Variants in SMTNL1 observed in about 807,000 individuals in gnomAD.
The protein encoded by SMTNL1 is smoothelin-like protein 1.
Under a neutral mutation model 46.6 loss-of-function variants are expected in SMTNL1, and 41 were observed. The ratio of observed to expected loss-of-function variants is 0.88; its 90% CI spans 0.69 to 1.14. SMTNL1 has a LOEUF of 1.14. Ranked by LOEUF, SMTNL1 falls within the 50% of genes most tolerant of loss-of-function variation. The pLI, the probability that SMTNL1 is intolerant of heterozygous loss-of-function variation, is 0.00. For missense variants in SMTNL1, 591 were observed against 626.1 expected (o/e 0.94, Z 0.60); for synonymous variants, 234 against 234.2 (o/e 1.00, Z 0.01).
Position 57,546,618 on chromosome 11 carries a change from C to G in SMTNL1, c.1306C>G (p.Arg436Gly), listed in dbSNP as rs751781075. The G allele has an allele frequency of 1.2e-6, 2 of 1,613,916 alleles. No individual in the cohort carries two copies. The highest frequency in any genetic ancestry group is 8.5e-7 in the Non-Finnish European group (1 of 1,179,850). ...CGCAGAGCTGGATCCCGCAAAGCGC[C>G]GGCACAACTTCACCCTGGCCTTCTC... is the stretch of plus-strand genomic sequence containing the variant. ...DYAELDPAKR[R>G]HNFTLAFSTA... The change falls in exon 7 of 8, where the codon CGG (arginine) becomes GGG (glycine). Residue 436 changes from arginine to glycine, a missense_variant. Coordinates refer to ENST00000527972, the MANE Select transcript of SMTNL1 (RefSeq NM_001105565.3).
At position 57,543,280 on chromosome 11, in the gene SMTNL1, C is replaced by T; in HGVS notation, c.638C>T (p.Ala213Val). 1 of 1,613,892 alleles carries T rather than the reference C, an allele frequency of 6.2e-7. No homozygotes were observed. Among genetic ancestry groups the T allele is most frequent in the Non-Finnish European group, 8.5e-7 (1 of 1,179,864 alleles). ...GCTGTTGTGGAGGATGAGGCTAAGGCTGAACCCAAGGAGCCCGATGGGAAA... is the reference window on the plus strand; with the variant it reads ...GCTGTTGTGGAGGATGAGGCTAAGGTTGAACCCAAGGAGCCCGATGGGAAA... ...QKAVVEDEAK[A>V]EPKEPDGKEE... Residue 213 changes from alanine (A) to valine (V), a missense_variant, in exon 2 of 8, where the codon GCT becomes GTT. Coordinates refer to ENST00000527972, the MANE Select transcript of SMTNL1 (RefSeq NM_001105565.3).
intron 7 of SMTNL1, among the ~76,000 whole-genome samples, chr11:57,549,490 G>A (rs1944943113): frequency 6.6e-6 from 1 of 152,180 alleles, no homozygotes; most frequent in Non-Finnish European, 1.5e-5. Flanking sequence ...CTTGGAATCA[G>A]ACCCAGCTGG....
In SMTNL1 at chr11:57,546,623, C is replaced by T. The variant is rs767379074; in HGVS notation, c.1311C>T (p.His437=). The T allele has an allele frequency of 1.2e-6, 2 of 1,613,814 alleles. No individual in the cohort carries two copies. The highest frequency in any genetic ancestry group is 1.3e-5 in the African/African-American group (1 of 74,934). Residue 437 remains histidine, a synonymous_variant, in exon 7 of 8, where the codon CAC becomes CAT. Coordinates refer to ENST00000527972, the MANE Select transcript of SMTNL1 (RefSeq NM_001105565.3). The stretch of plus-strand genomic sequence containing the variant: ...AGCTGGATCCCGCAAAGCGCCGGCA[C>T]AACTTCACCCTGGCCTTCTCCACAG... The part of the protein sequence containing the change: ...YAELDPAKRR[H]NFTLAFSTAE...
rs1944926243 is a variant in SMTNL1, at chr11:57,546,668, G to A, written c.1340+16G>A. 1 of 1,610,518 alleles carries A rather than the reference G, an allele frequency of 6.2e-7. No individual in the cohort carries two copies. ...CCACAGCAGAGTAAGCCACAGCCATGGGCTGGCAGAGCTGGATGGGAGCCT... is the reference window on the plus strand; with the variant it reads ...CCACAGCAGAGTAAGCCACAGCCATAGGCTGGCAGAGCTGGATGGGAGCCT... On this transcript the variant is annotated intron_variant, in intron 7 of 7. Coordinates refer to ENST00000527972, the MANE Select transcript of SMTNL1 (RefSeq NM_001105565.3).
Position 57,545,914 on chromosome 11 carries a change from C to T in SMTNL1, c.951C>T (p.Pro317=), listed in dbSNP as rs758959492. Residue 317 remains proline (P), a synonymous_variant, in exon 5 of 8, where the codon CCC becomes CCT. Transcript: ENST00000527972. ...CACCCAGCGACGTGCCCCAGAGTCC[C>T]CCTGAGTCCCCTTCCTCAGGGGAGA... is the stretch of plus-strand genomic sequence containing the variant. ...ESSPSDVPQS[P]PESPSSGEKK... The T allele has an allele frequency of 6.2e-7, 1 of 1,613,638 alleles. No individual in the cohort carries two copies. The highest frequency in any genetic ancestry group is 1.1e-5 in the South Asian group (1 of 91,034).
At position 57,542,850 on chromosome 11, in the gene SMTNL1, G is replaced by A. The variant is rs758502525; in HGVS notation, c.208G>A (p.Ala70Thr). Residue 70 changes from alanine to threonine, a missense_variant, in exon 2 of 8, where the codon GCA becomes ACA. Transcript: ENST00000527972. ...CATGTCAGCAGAACTCCAGGGGGAA[G>A]CAAATGGATTAGATGAGGTCAAAGT... ...DGMSAELQGEANGLDEVKVES... is the reference protein window; with the variant it reads ...DGMSAELQGETNGLDEVKVES... The A allele has an allele frequency of 1.2e-5, 19 of 1,613,034 alleles. No homozygotes were observed. Among genetic ancestry groups the A allele is most frequent in the Non-Finnish European group, 1.6e-5 (19 of 1,179,528 alleles).
intron 5 of SMTNL1, 55 bp from the exon 6 acceptor site, chr11:57,546,178 C>A: frequency 6.6e-7 from 1 of 1,520,064 alleles, no homozygotes; most frequent in East Asian, 2.4e-5. Context: ...CCCAGTGGGG[C>A]CCTTCATGGC....
At chr11:57,546,694 A>G (rs781630563) in intron 7 of SMTNL1, 42 bp downstream of exon 7, 1 of 1,594,156 alleles carries the variant, frequency 6.3e-7, no homozygotes, top group Non-Finnish European at 8.5e-7. Context: ...ATGGGAGCCT[A>G]GGCGAGGACT....
rs766100878 is a variant in SMTNL1 at position 57,550,076 on chromosome 11, T to C, written c.1449T>C (p.Leu483=). ...YTYIQELYRS[L]VQKGLVKTKK... ...ACATCCAGGAACTGTACCGCAGCCT[T>C]GTGCAGAAAGGACTGGTGAAGACCA... is the stretch of plus-strand genomic sequence containing the variant. Residue 483 remains leucine (L), a synonymous_variant, in exon 8 of 8, where the codon CTT becomes CTC. Coordinates refer to ENST00000527972, the MANE Select transcript of SMTNL1 (RefSeq NM_001105565.3). 6.2e-7 allele frequency: 1 copy of C among 1,613,736 alleles called. No individual in the cohort carries two copies. The highest frequency in any genetic ancestry group is 1.1e-5 in the South Asian group (1 of 91,026).
chr11:57,542,917 C>T lies in SMTNL1; in HGVS notation c.275C>T (p.Ala92Val). The change falls in exon 2 of 8, where the codon GCT becomes GTT. Residue 92 changes from alanine to valine, a missense_variant. Ala to Val is a moderately conservative substitution (Grantham distance 64). Coordinates refer to ENST00000527972, the MANE Select transcript of SMTNL1 (RefSeq NM_001105565.3). ...GCTGGTGGGAAAGAGGATGCTGAGG[C>T]TGAACTTAAAAAGGAGGATGGTGAG... ...REAGGKEDAE[A>V]ELKKEDGEKE... 1 of 1,607,042 alleles carries T rather than the reference C, an allele frequency of 6.2e-7. No individual in the cohort carries two copies. The highest frequency in any genetic ancestry group is 8.5e-7 in the Non-Finnish European group (1 of 1,176,702).
intron 1 of SMTNL1, among the ~76,000 whole-genome samples, chr11:57,542,196 G>C (rs980228432): frequency 6.6e-6 from 1 of 151,922 alleles, no homozygotes; most frequent in African/African-American, 2.4e-5. Flanking sequence ...TACTCAGGAG[G>C]CTGAGGTTGG....
chr11:57,542,008 C>T (rs1439257291), intron 1 of SMTNL1, among the ~76,000 whole-genome samples: 1 of 151,958 alleles, frequency 6.6e-6, no homozygotes, highest in African/African-American at 2.4e-5. Flanking sequence ...CTGCTCATGC[C>T]TGCAATCCCA....
chr11:57,542,594 C>G, intron 1 of SMTNL1, 47 bp from the exon 2 acceptor site: 4 of 1,540,634 alleles, frequency 2.6e-6, no homozygotes, highest in Non-Finnish European at 3.5e-6. Flanking sequence ...GTCTTCACCT[C>G]ATGCTGGGCT....
At chr11:57,543,979 G>C (rs999639181) in intron 4 of SMTNL1, 59 bp downstream of exon 4, 6 of 1,511,658 alleles carry the variant, frequency 4.0e-6, no homozygotes, top group Non-Finnish European at 4.5e-6. Context: ...TTCCCTCAGC[G>C]TCCACCATCA....
At chr11:57,541,245 C>T (rs1018772265) in intron 1 of SMTNL1, among the ~76,000 whole-genome samples, 1 of 152,184 alleles carries the variant, frequency 6.6e-6, no homozygotes, top group African/African-American at 2.4e-5. Flanking sequence ...CAGGTGCCCT[C>T]GGTACTATCA....
Position 57,544,381 on chromosome 11 carries a change from AAAC to A in SMTNL1, c.917+472_917+474del, listed in dbSNP as rs527749778. Among the ~76,000 whole-genome samples, 234 of 152,312 alleles carry A rather than the reference AAAC, an allele frequency of 1.5e-3. 1 individual carries two copies. The highest frequency in any genetic ancestry group is 5.3e-3 in the African/African-American group (222 of 41,570). ...GGCGACAGAGCAAGACTCCCTCTCA[AAAC>A]AACAACAACAGCAACAACAAAAAAC... is the stretch of plus-strand genomic sequence containing the variant. On this transcript the variant is annotated intron_variant, in intron 4 of 7. Transcript: ENST00000527972.
Position 57,550,246 on chromosome 11 carries a change from T to A in SMTNL1, c.*134T>A. The A allele has an allele frequency of 3.2e-6, 3 of 932,408 alleles. No homozygotes were observed. The highest frequency in any genetic ancestry group is 1.6e-6 in the Non-Finnish European group (1 of 629,526). The allele number at this position is 932,408 out of a possible 1,614,324, so 57.8% of individuals were successfully genotyped here. On this transcript the variant is annotated 3_prime_UTR_variant, in exon 8 of 8. Coordinates refer to ENST00000527972, the MANE Select transcript of SMTNL1 (RefSeq NM_001105565.3). ...AAGGGTGTGTGGCGTTGGTTTTAAC[T>A]GCATTAAAAGTACTTTTGTAAAATC...
intron 1 of SMTNL1, among the ~76,000 whole-genome samples, chr11:57,540,566 T>C (rs986188072): frequency 7.9e-5 from 12 of 152,176 alleles, no homozygotes; most frequent in Non-Finnish European, 1.5e-4. Context: ...AACCCCATCA[T>C]TGTCAGTTGA....
At chr11:57,544,097 T>C (rs1327419394) in intron 4 of SMTNL1, among the ~76,000 whole-genome samples, 177 bp downstream of exon 4, 1 of 152,228 alleles carries the variant, frequency 6.6e-6, no homozygotes, top group East Asian at 1.9e-4. Context: ...GCCAGAGGCA[T>C]GGTCGGCTGC....
Sources: gnomAD v4.1 joint callset for allele counts (sites outside exome capture counted in the v4.1 genomes callset) on GRCh38, gnomAD v4.1.1 for gene constraint, MANE v1.5 for transcripts, NCBI Gene and HGNC (gene_info 2026-07-23, HGNC 2026-07-21) for gene names.